The following PCNX2 variants were observed in gnomAD, a reference collection of about 807,000 sequenced individuals.
PCNX2 encodes pecanex 2, also known as pecanex-like protein 2.
A neutral mutation model predicts 223.8 loss-of-function variants in PCNX2; 168 were observed. The ratio of observed to expected loss-of-function variants is 0.75; its 90% CI spans 0.66 to 0.85. The LOEUF (loss-of-function observed/expected upper bound fraction) is 0.85. PCNX2 is among the 40% of genes least tolerant of loss of function. The probability of loss-of-function intolerance (pLI) is 0.00; values close to 1 mark genes in which losing one functional copy is unlikely to be tolerated. For synonymous variants in PCNX2, 1,006 were observed against 1,052.6 expected (o/e 0.96, Z 0.86); for missense variants, 2,507 against 2,675.5 (o/e 0.94, Z 1.39).
chr1:233,002,472 G>C (rs1302548695), intron 28 of PCNX2, among the ~76,000 whole-genome samples: 2 of 152,088 alleles, frequency 1.3e-5, no homozygotes, highest in Non-Finnish European at 2.9e-5. Context: ...CCTCTTCAAG[G>C]AGAACTACAA....
chr1:233,259,356 C>T lies in PCNX2; in HGVS notation c.518-12G>A, dbSNP rs748244236. ...TAATAGAATGACACCTGAAATGACA[C>T]ATGGCAACTTTATTAGCATCAGAAA... On this transcript the variant is annotated splice_polypyrimidine_tract_variant and intron_variant, in intron 4 of 33. Coordinates refer to ENST00000258229, the MANE Select transcript of PCNX2 (RefSeq NM_014801.4). The T allele has an allele frequency of 3.1e-6, 5 of 1,592,216 alleles. No individual in the cohort carries two copies. The South Asian group carries it at 3.4e-5, about 11-fold the overall frequency.
chr1:233,052,871 A>T (rs781717204), intron 25 of PCNX2, among the ~76,000 whole-genome samples: 24 of 151,784 alleles, frequency 1.6e-4, no homozygotes, highest in Non-Finnish European at 2.5e-4. Context: ...CCATGCAGAC[A>T]CTCGATCTAG....
intron 23 of PCNX2, among the ~76,000 whole-genome samples, chr1:233,060,092 A>C (rs3806214): frequency 0.035 from 5,289 of 152,284 alleles, 126 homozygotes; most frequent in East Asian, 0.082. Flanking sequence ...ACTGTGTTAC[A>C]TTTCAGAAAG....
chr1:233,148,875 T>C (rs1387907117), intron 19 of PCNX2, among the ~76,000 whole-genome samples: 2 of 152,204 alleles, frequency 1.3e-5, no homozygotes, highest in Non-Finnish European at 2.9e-5. Context: ...TGAATAATAA[T>C]GTAAGAAGAA....
chr1:233,326,193 G>T, the PCNX2 span, among the ~76,000 whole-genome samples: 2 of 152,166 alleles, frequency 1.3e-5, no homozygotes, highest in Non-Finnish European at 2.9e-5. Context: ...AACATAACTT[G>T]TATATATATG....
intron 20 of PCNX2, among the ~76,000 whole-genome samples, chr1:233,138,845 T>A (rs1323846035): frequency 1.3e-5 from 2 of 152,218 alleles, no homozygotes; most frequent in African/African-American, 2.4e-5. Flanking sequence ...ATGAATCTAC[T>A]CAAAGTCCAA....
rs1372691210 is a variant in PCNX2, at chr1:232,991,153, G to A, written c.5792-4613C>T. ...GGGATTGGAGGGGAGGAGAAAGTGG[G>A]GCAGGGGGACAGCAGTGCTGTATGG... is the stretch of plus-strand genomic sequence containing the variant. On this transcript the variant is annotated intron_variant, in intron 32 of 33. Coordinates refer to ENST00000258229, the MANE Select transcript of PCNX2 (RefSeq NM_014801.4). This position sits in a 1 kb window ranked among gnomAD's most constrained non-coding sequence, Gnocchi z 4.3. Among the ~76,000 whole-genome samples, 2 of 152,192 alleles carry A rather than the reference G, an allele frequency of 1.3e-5. No individual in the cohort carries two copies. Among genetic ancestry groups the A allele is most frequent in the Non-Finnish European group, 2.9e-5 (2 of 68,036 alleles).
At chr1:233,283,791 T>C (rs1238646076) in intron 1 of PCNX2, among the ~76,000 whole-genome samples, 1 of 152,210 alleles carries the variant, frequency 6.6e-6, no homozygotes, top group East Asian at 1.9e-4. Flanking sequence ...AATGATTATT[T>C]TAGTCCAGAA....
At chr1:232,989,175 C>G (rs1228500521) in intron 32 of PCNX2, among the ~76,000 whole-genome samples, 1 of 152,142 alleles carries the variant, frequency 6.6e-6, no homozygotes, top group African/African-American at 2.4e-5. Flanking sequence ...GCTCACTCGG[C>G]CGGGCACGGT....
At chr1:233,034,447 C>G (rs1217072673) in intron 25 of PCNX2, among the ~76,000 whole-genome samples, 2 of 152,232 alleles carry the variant, frequency 1.3e-5, no homozygotes, top group Non-Finnish European at 2.9e-5. Flanking sequence ...GCCTCCAGAA[C>G]TGTGAGAAAT....
chr1:233,145,789 C>A (rs1677411824), intron 19 of PCNX2, among the ~76,000 whole-genome samples: 1 of 152,070 alleles, frequency 6.6e-6, no homozygotes, highest in Non-Finnish European at 1.5e-5. Flanking sequence ...TTTTAAAATT[C>A]TTTATAAGCC....
chr1:233,283,360 T>C (rs1314676143), intron 1 of PCNX2, among the ~76,000 whole-genome samples: 1 of 152,212 alleles, frequency 6.6e-6, no homozygotes, highest in African/African-American at 2.4e-5. Flanking sequence ...ATGCAACTAC[T>C]GCAGCTCTAG....
intron 19 of PCNX2, among the ~76,000 whole-genome samples, chr1:233,158,850 G>A (rs1678289016): frequency 6.6e-6 from 1 of 152,178 alleles, no homozygotes; most frequent in African/African-American, 2.4e-5. Context: ...CCTGAAGGCT[G>A]CAGAAGTTCT....
At chr1:233,133,259 T>G (rs1676609874) in intron 21 of PCNX2, among the ~76,000 whole-genome samples, 1 of 152,200 alleles carries the variant, frequency 6.6e-6, no homozygotes, top group African/African-American at 2.4e-5. Context: ...TTCTAGTAAC[T>G]TCACAAATAG....
the PCNX2 span, among the ~76,000 whole-genome samples, chr1:233,314,917 T>C: frequency 6.6e-6 from 1 of 152,228 alleles, no homozygotes; most frequent in African/African-American, 2.4e-5. Context: ...ACCCTGTGAT[T>C]AAGTAGCAAC....
chr1:233,042,767 A>G (rs1671686683), intron 25 of PCNX2, among the ~76,000 whole-genome samples: 1 of 152,214 alleles, frequency 6.6e-6, no homozygotes, highest in Non-Finnish European at 1.5e-5. Context: ...ATAGAAAGTG[A>G]GGAGTTTTCC....
intron 8 of PCNX2, among the ~76,000 whole-genome samples, chr1:233,246,077 G>A (rs1258538790): frequency 6.6e-6 from 1 of 152,126 alleles, no homozygotes; most frequent in African/African-American, 2.4e-5. Context: ...TAACATAGCA[G>A]CAGCCCTTCA....
intron 8 of PCNX2, 97 bp from the exon 9 acceptor site, chr1:233,237,077 C>T (rs1658468166): frequency 6.7e-7 from 1 of 1,482,102 alleles, no homozygotes; most frequent in East Asian, 2.3e-5. Flanking sequence ...ATGCCCAAAG[C>T]AGGTAGTGGA....
At chr1:233,321,981 A>G in the PCNX2 span, among the ~76,000 whole-genome samples, 12 of 152,168 alleles carry the variant, frequency 7.9e-5, no homozygotes, top group African/African-American at 2.9e-4. Context: ...CTCGGATCAC[A>G]CTAAGAACTG....
Sources: gnomAD v4.1 joint callset for allele counts (sites outside exome capture counted in the v4.1 genomes callset) on GRCh38, gnomAD v4.1.1 for gene constraint, Gnocchi (gnomAD v3.1) non-coding constraint, MANE v1.5 for transcripts, NCBI Gene and HGNC (gene_info 2026-07-23, HGNC 2026-07-21) for gene names.